The following TXNL4A variants were observed in gnomAD, a reference collection of about 807,000 sequenced individuals.
The protein encoded by TXNL4A is thioredoxin like 4A, also known as thioredoxin-like protein 4A.
In TXNL4A, 17 loss-of-function variants were observed where a neutral mutation model predicts 14.6. That is an observed-to-expected ratio of 1.16 (90% CI 0.80 to 1.74). TXNL4A has a LOEUF of 1.74. Among genes scored for constraint, TXNL4A ranks in the 40% most tolerant of loss-of-function variants. The pLI, the probability that TXNL4A is intolerant of heterozygous loss-of-function variation, is 0.00. For missense variants in TXNL4A, 74 were observed against 195.2 expected, an observed-to-expected ratio of 0.38 and a Z score of 3.70; for synonymous variants, 83 against 70.6, an observed-to-expected ratio of 1.18 and a Z score of -0.88.
intron 1 of TXNL4A, among the ~76,000 whole-genome samples, chr18:80,007,563 C>T (rs950554296): frequency 4.6e-5 from 7 of 151,204 alleles, no homozygotes; most frequent in African/African-American, 7.3e-5. Context: ...TTGGGCCTGG[C>T]GCTGGGCTGC....
At chr18:80,026,235 AGATT>A (rs1336989320) in intron 1 of TXNL4A, among the ~76,000 whole-genome samples, 3 of 152,236 alleles carry the variant, frequency 2.0e-5, no homozygotes, top group African/African-American at 7.2e-5. Context: ...GAAAAACAGA[AGATT>A]GCTGGAGTTA....
intron 1 of TXNL4A, among the ~76,000 whole-genome samples, chr18:80,015,314 T>A (rs1164694766): frequency 6.6e-6 from 1 of 151,964 alleles, no homozygotes; most frequent in Admixed American, 6.6e-5. Flanking sequence ...TCTGAACTTT[T>A]ATGTTCTGTT....
At chr18:80,024,592 T>C (rs2051872046) in intron 1 of TXNL4A, among the ~76,000 whole-genome samples, 1 of 152,206 alleles carries the variant, frequency 6.6e-6, no homozygotes, top group African/African-American at 2.4e-5. Flanking sequence ...AGCACCTTGC[T>C]TCCCTCAGCC....
intron 1 of TXNL4A, among the ~76,000 whole-genome samples, chr18:80,000,096 T>C (rs2051689147): frequency 6.6e-6 from 1 of 152,092 alleles, no homozygotes; most frequent in South Asian, 2.1e-4. Context: ...ATACAGTAAA[T>C]TGGTACCAGC....
intron 1 of TXNL4A, among the ~76,000 whole-genome samples, chr18:80,019,961 C>T (rs1296958757): frequency 2.0e-5 from 3 of 152,116 alleles, no homozygotes; most frequent in Admixed American, 2.0e-4. Context: ...TATGGTTTGG[C>T]TGTGTCCCCA....
chr18:80,023,645 A>T (rs1353180727), intron 1 of TXNL4A, among the ~76,000 whole-genome samples: 1 of 152,254 alleles, frequency 6.6e-6, no homozygotes, highest in South Asian at 2.1e-4. Flanking sequence ...ACTGAGGGTG[A>T]AATATCCTCC....
intron 1 of TXNL4A, among the ~76,000 whole-genome samples, chr18:79,980,927 C>T (rs902771169): frequency 6.6e-6 from 1 of 152,348 alleles, no homozygotes; most frequent in Non-Finnish European, 1.5e-5. Flanking sequence ...ACTCTGACAA[C>T]GCCCATTTCT....
intron 1 of TXNL4A, among the ~76,000 whole-genome samples, chr18:80,014,082 CT>C (rs1359365900): frequency 2.0e-5 from 3 of 152,126 alleles, no homozygotes; most frequent in Non-Finnish European, 4.4e-5. Flanking sequence ...TTACCTCCCC[CT>C]GGGTCCCTCC....
At chr18:80,023,852 C>T (rs2051866223) in intron 1 of TXNL4A, among the ~76,000 whole-genome samples, 1 of 152,192 alleles carries the variant, frequency 6.6e-6, no homozygotes, top group African/African-American at 2.4e-5. Context: ...AATATCCCAC[C>T]CTTTCCCCTT....
At chr18:80,013,061 G>A (rs1379345596) in intron 1 of TXNL4A, among the ~76,000 whole-genome samples, 1 of 150,412 alleles carries the variant, frequency 6.6e-6, no homozygotes, top group Non-Finnish European at 1.5e-5. Flanking sequence ...CGACACAAGG[G>A]TTTGAAGAAA....
At chr18:80,009,025 C>T (rs1193146767) in intron 1 of TXNL4A, among the ~76,000 whole-genome samples, 1 of 152,212 alleles carries the variant, frequency 6.6e-6, no homozygotes, top group African/African-American at 2.4e-5. Context: ...GATCCGCCCT[C>T]CTCGGCCTCC....
chr18:80,000,747 G>A (rs993175671), intron 1 of TXNL4A, among the ~76,000 whole-genome samples: 5 of 152,094 alleles, frequency 3.3e-5, no homozygotes, highest in Non-Finnish European at 7.4e-5. Context: ...CTCCCTTCCT[G>A]GGTTCAAGCA....
chr18:80,020,806 A>T (rs1319129022), intron 1 of TXNL4A, among the ~76,000 whole-genome samples: 1 of 152,172 alleles, frequency 6.6e-6, no homozygotes, highest in African/African-American at 2.4e-5. Flanking sequence ...AATGCCCAAA[A>T]ATCCTCTTAG....
intron 1 of TXNL4A, 93 bp downstream of exon 1, chr18:79,988,146 GA>G: frequency 7.7e-7 from 1 of 1,306,602 alleles, no homozygotes; most frequent in Non-Finnish European, 9.9e-7. Context: ...CCTCCTCGGG[GA>G]ACAGCTCGCG....
At chr18:80,026,920 A>C (rs2051888531) in intron 1 of TXNL4A, among the ~76,000 whole-genome samples, 1 of 152,234 alleles carries the variant, frequency 6.6e-6, no homozygotes. Flanking sequence ...AGTACCAGTA[A>C]TGTTAAAACA....
chr18:80,007,853 A>G (rs2051742457), intron 1 of TXNL4A, among the ~76,000 whole-genome samples: 1 of 152,042 alleles, frequency 6.6e-6, no homozygotes, highest in Non-Finnish European at 1.5e-5. Context: ...GGCCTGTTTG[A>G]TGGTCACCAG....
chr18:79,986,234 C>A (rs2145083739), intron 1 of TXNL4A, among the ~76,000 whole-genome samples: 1 of 152,284 alleles, frequency 6.6e-6, no homozygotes, highest in East Asian at 1.9e-4. Flanking sequence ...AGGGGTTTCA[C>A]CATATTGTCC....
At chr18:79,989,031 G>T (rs1193212181), upstream of TXNL4A, among the ~76,000 whole-genome samples, 3 of 152,202 alleles carry the variant, frequency 2.0e-5, no homozygotes, top group Non-Finnish European at 4.4e-5. Flanking sequence ...CGAGCAGCGG[G>T]GTAGGGAGGA....
chr18:80,014,838 CTT>C (rs1371947689), intron 1 of TXNL4A, among the ~76,000 whole-genome samples: 1 of 152,256 alleles, frequency 6.6e-6, no homozygotes, highest in African/African-American at 2.4e-5. Flanking sequence ...CTGCAGCAAA[CTT>C]TTGTCTGGGC....
Sources: gnomAD v4.1 joint callset for allele counts (sites outside exome capture counted in the v4.1 genomes callset) on GRCh38, gnomAD v4.1.1 for gene constraint, MANE v1.5 for transcripts, NCBI Gene and HGNC (gene_info 2026-07-23, HGNC 2026-07-21) for gene names.